Variants in SGPL1 observed in about 807,000 individuals in gnomAD.
SGPL1 encodes SP-lyase 1.
Under a neutral mutation model 68.9 loss-of-function variants are expected in SGPL1, and 37 were observed. That is an observed-to-expected ratio of 0.54 (90% CI 0.41 to 0.71). The LOEUF (loss-of-function observed/expected upper bound fraction) is 0.71, where lower values mean the gene tolerates loss of function less well. Among genes scored for constraint, SGPL1 ranks in the 30% least tolerant of loss-of-function variants. SGPL1 has a pLI of 0.00. For synonymous variants in SGPL1, 236 were observed against 248.5 expected (o/e 0.95, Z 0.47); for missense variants, 551 against 704.6 (o/e 0.78, Z 2.47).
At chr10:70,858,664 A>T (rs78562583) in intron 6 of SGPL1, among the ~76,000 whole-genome samples, 1,836 of 152,320 alleles carry the variant, frequency 0.012, 14 homozygotes, top group Non-Finnish European at 0.021. Flanking sequence ...GCAGCAGAGA[A>T]TACAAGTTTC....
intron 3 of SGPL1, among the ~76,000 whole-genome samples, chr10:70,850,854 A>G (rs1268733234): frequency 3.0e-5 from 4 of 132,858 alleles, no homozygotes; most frequent in Non-Finnish European, 4.7e-5. Flanking sequence ...GTGTATGCAT[A>G]AGGAAACTCA....
At chr10:70,861,567 C>T (rs959893933) in intron 7 of SGPL1, among the ~76,000 whole-genome samples, 4 of 152,346 alleles carry the variant, frequency 2.6e-5, no homozygotes, top group East Asian at 1.9e-4. Flanking sequence ...TTCAGCCCAC[C>T]GCTGCACTGT....
Position 70,880,937 on chromosome 10 carries a change from A to C in SGPL1, c.*3602A>C, listed in dbSNP as rs997983624. ...TTGGCCTTCTCTGTAGGTTCTTGGC[A>C]GCAATGAGCAGCTTTCACTCAGTGA... On this transcript the variant is annotated 3_prime_UTR_variant, in exon 15 of 15. Coordinates refer to ENST00000373202, the MANE Select transcript of SGPL1 (RefSeq NM_003901.4). 6.6e-6 allele frequency: 1 copy of C among 152,172 alleles called. No individual in the cohort carries two copies. Among genetic ancestry groups the C allele is most frequent in the Non-Finnish European group, 1.5e-5 (1 of 68,054 alleles). 9.4% of individuals were successfully genotyped at this position (152,172 alleles called of 1,614,324 possible).
intron 8 of SGPL1, 26 bp downstream of exon 8, chr10:70,868,459 C>T: frequency 6.3e-7 from 1 of 1,581,872 alleles, no homozygotes; most frequent in African/African-American, 1.3e-5. Flanking sequence ...TGTTTTGTCC[C>T]CTTTTGGATT....
intron 2 of SGPL1, among the ~76,000 whole-genome samples, chr10:70,836,463 A>T (rs1845629059): frequency 6.6e-6 from 1 of 152,052 alleles, no homozygotes; most frequent in Non-Finnish European, 1.5e-5. Context: ...AGTTTTCCCC[A>T]TCTATAGAGT....
chr10:70,866,783 T>G (rs827250), intron 7 of SGPL1: 150,349 of 152,366 alleles, frequency 0.99, 74,214 homozygotes, highest in Middle Eastern at 1. Context: ...GCATTATTTT[T>G]TGGTGATGGT....
chr10:70,830,399 C>G (rs1191685198), intron 2 of SGPL1, among the ~76,000 whole-genome samples: 1 of 152,170 alleles, frequency 6.6e-6, no homozygotes, highest in Non-Finnish European at 1.5e-5. Context: ...CATATAAATA[C>G]AATCATACAG....
chr10:70,823,393 C>T (rs1845376343), intron 2 of SGPL1, among the ~76,000 whole-genome samples: 1 of 151,646 alleles, frequency 6.6e-6, no homozygotes, highest in African/African-American at 2.4e-5. Flanking sequence ...ATATTCAAAG[C>T]TTTATGTATT....
chr10:70,854,942 C>T lies in SGPL1; in HGVS notation c.409+87C>T, dbSNP rs544075138. The stretch of plus-strand genomic sequence containing the variant: ...TAATGTTCACATAGGTTAAGAATAA[C>T]TCATCATTGGTTAATACATGTTTAG... On this transcript the variant is annotated intron_variant, in intron 5 of 14. Transcript: ENST00000373202. 6.8e-6 allele frequency: 8 copies of T among 1,181,352 alleles called. No individual in the cohort carries two copies. The African/African-American group carries it at 1.2e-4, about 18-fold the overall frequency. 73.2% of individuals were successfully genotyped at this position (1,181,352 alleles called of 1,614,324 possible).
intron 3 of SGPL1, among the ~76,000 whole-genome samples, chr10:70,849,134 T>C (rs1443498315): frequency 6.6e-6 from 1 of 152,204 alleles, no homozygotes; most frequent in Non-Finnish European, 1.5e-5. Flanking sequence ...ATCCTCCACC[T>C]AGTCACATTA....
Position 70,875,489 on chromosome 10 carries a change from AC to A in SGPL1, c.1387del (p.Leu463TyrfsTer4). On this transcript the variant is annotated frameshift_variant, in exon 13 of 15. Transcript: ENST00000373202. LOFTEE classifies it high-confidence loss of function. ...LGSRDFDIYR[L>X]SNLMTAKGWN... ...GATCCCGTGATTTTGACATCTACCG[AC>A]TATCAAACCTGATGACTGCTAAGGG... 2 of 1,613,370 alleles carry A rather than the reference AC, an allele frequency of 1.2e-6. No homozygotes were observed. Among genetic ancestry groups the A allele is most frequent in the Non-Finnish European group, 1.7e-6 (2 of 1,179,348 alleles).
intron 6 of SGPL1, among the ~76,000 whole-genome samples, chr10:70,859,142 G>T (rs971082445): frequency 3.9e-5 from 6 of 152,178 alleles, no homozygotes; most frequent in Non-Finnish European, 5.9e-5. Context: ...GTTATAGTCT[G>T]CGCTTTTAAC....
chr10:70,826,548 A>C (rs1368865171), intron 2 of SGPL1, among the ~76,000 whole-genome samples: 1 of 152,238 alleles, frequency 6.6e-6, no homozygotes, highest in African/African-American at 2.4e-5. Flanking sequence ...TATAGAAAGC[A>C]CATATCTACA....
chr10:70,845,421 C>A (rs1448641499), intron 3 of SGPL1, among the ~76,000 whole-genome samples: 1 of 152,132 alleles, frequency 6.6e-6, no homozygotes, highest in African/African-American at 2.4e-5. Context: ...GATATCTGCA[C>A]AAGTAGTACA....
chr10:70,861,767 A>G (rs1056381444), intron 7 of SGPL1, among the ~76,000 whole-genome samples: 8 of 152,184 alleles, frequency 5.3e-5, no homozygotes, highest in East Asian at 1.9e-4. Context: ...GCCCCGGGCA[A>G]TGAGGGGCTT....
rs887849434 is a variant in SGPL1, at chr10:70,879,434, G to C, written c.*2099G>C. The stretch of plus-strand genomic sequence containing the variant: ...CCTGTTTGCCCAGCAGTGCATTGTG[G>C]GTTCCAAGAGTGGGTAGTGTGTGTA... On this transcript the variant is annotated 3_prime_UTR_variant, in exon 15 of 15. Transcript: ENST00000373202. 1 of 152,860 alleles carries C rather than the reference G, an allele frequency of 6.5e-6. No homozygotes were observed. Among genetic ancestry groups the C allele is most frequent in the African/African-American group, 2.4e-5 (1 of 41,396 alleles). The allele number at this position is 152,860 out of a possible 1,614,324, so 9.5% of individuals were successfully genotyped here.
chr10:70,826,178 C>T (rs1845432640), intron 2 of SGPL1, among the ~76,000 whole-genome samples: 1 of 152,116 alleles, frequency 6.6e-6, no homozygotes, highest in African/African-American at 2.4e-5. Flanking sequence ...GAGTGAGACT[C>T]TCTCAAAAAA....
chr10:70,831,275 T>C (rs1439918565), intron 2 of SGPL1, among the ~76,000 whole-genome samples: 1 of 152,098 alleles, frequency 6.6e-6, no homozygotes, highest in African/African-American at 2.4e-5. Flanking sequence ...GTGTGGGATT[T>C]TTTTCCCCAC....
chr10:70,872,029 G>C (rs1175963314), intron 11 of SGPL1, 43 bp downstream of exon 11: 2 of 1,569,856 alleles, frequency 1.3e-6, no homozygotes, highest in African/African-American at 2.7e-5. Flanking sequence ...TGATTATTTT[G>C]ACTATTATTG....
Sources: gnomAD v4.1 joint callset for allele counts (sites outside exome capture counted in the v4.1 genomes callset) on GRCh38, gnomAD v4.1.1 for gene constraint, MANE v1.5 for transcripts, NCBI Gene and HGNC (gene_info 2026-07-23, HGNC 2026-07-21) for gene names.